Variants in ZC3H18 observed in about 807,000 individuals in gnomAD.
ZC3H18 encodes the protein zinc finger CCCH domain-containing protein 18.
In ZC3H18, 8 loss-of-function variants were observed where a neutral mutation model predicts 106.1. The observed-to-expected ratio is 0.08, with a 90% CI of 0.04 to 0.14. ZC3H18 has a LOEUF of 0.14. Ranked by LOEUF, ZC3H18 falls within the 10% of genes least tolerant of loss-of-function variation. The pLI is 1.00. For missense variants in ZC3H18, 1,318 were observed against 1,278.4 expected (o/e 1.03, Z -0.47); for synonymous variants, 635 against 522.1 (o/e 1.22, Z -2.95).
At chr16:88,628,925 A>T in intron 16 of ZC3H18, 71 bp downstream of exon 16, 2 of 1,506,904 alleles carry the variant, frequency 1.3e-6, no homozygotes, top group Admixed American at 1.7e-5. Flanking sequence ...GCTGGGTCTG[A>T]GACCCCATTG....
rs768571833 is a variant in ZC3H18, at chr16:88,598,668, C to G, written c.886C>G (p.Pro296Ala). 1.2e-6 allele frequency: 2 copies of G among 1,613,278 alleles called. No individual in the cohort carries two copies. Among genetic ancestry groups the G allele is most frequent in the South Asian group, 2.2e-5 (2 of 90,818 alleles). ...EILPPPPPEPPTESAWERGLR... is the reference protein window; with the variant it reads ...EILPPPPPEPATESAWERGLR... ...TTTGCCTCCACCCCCTCCAGAGCCC[C>G]CAACAGAGAGTGCCTGGGAACGAGG... The change falls in exon 5 of 18, where the codon CCA (proline) becomes GCA (alanine). Residue 296 changes from proline (P) to alanine (A), a missense_variant. Transcript: ENST00000301011.
intron 11 of ZC3H18, 177 bp from the exon 12 acceptor site, chr16:88,624,425 C>T (rs1356699525): frequency 1.2e-5 from 12 of 1,020,744 alleles, no homozygotes; most frequent in African/African-American, 4.8e-5. Flanking sequence ...GCTTTGAAGC[C>T]GTTCCCAAGC....
Position 88,631,430 on chromosome 16 carries a change from C to T in ZC3H18, c.*131C>T. 2 of 1,305,092 alleles carry T rather than the reference C, an allele frequency of 1.5e-6. No individual in the cohort carries two copies. Among genetic ancestry groups the T allele is most frequent in the South Asian group, 1.4e-5 (1 of 73,344 alleles). 80.8% of individuals were successfully genotyped at this position (1,305,092 alleles called of 1,614,324 possible). A position where few individuals can be genotyped will look rare whatever the true frequency, so the allele number is the denominator to read the frequency against. ...TAAAAAAGAAAAAAAAGTTTCTCAG[C>T]TGGAAAAGAAGCCACACAGGAAATG... On this transcript the variant is annotated 3_prime_UTR_variant, in exon 18 of 18. Coordinates refer to ENST00000301011, the MANE Select transcript of ZC3H18 (RefSeq NM_144604.4).
At chr16:88,607,028 G>T (rs1315859411) in intron 6 of ZC3H18, among the ~76,000 whole-genome samples, 1 of 152,188 alleles carries the variant, frequency 6.6e-6, no homozygotes. Flanking sequence ...CTGCTCCACA[G>T]GAAAGGAGAT....
chr16:88,576,604 A>C (rs1040258397), intron 1 of ZC3H18, among the ~76,000 whole-genome samples: 19 of 152,180 alleles, frequency 1.2e-4, no homozygotes, highest in Non-Finnish European at 5.9e-5. Flanking sequence ...GTTCAGTAAC[A>C]GAAAAGGCTC....
In ZC3H18 at chr16:88,628,806, A is replaced by G. The variant is rs376093096; in HGVS notation, c.2518A>G (p.Arg840Gly). The change falls in exon 16 of 18, where the codon AGG becomes GGG. Residue 840 changes from arginine to glycine, a missense_variant. Transcript: ENST00000301011. ...GCGCTATGAACCATCAGACAAGGAC[A>G]GGCAGAGCCCTCCTCCAGCCAAGCG... ...RKRYEPSDKDRQSPPPAKRPN... is the reference protein window; with the variant it reads ...RKRYEPSDKDGQSPPPAKRPN... 6.2e-7 allele frequency: 1 copy of G among 1,614,038 alleles called. No homozygotes were observed. Among genetic ancestry groups the G allele is most frequent in the Non-Finnish European group, 8.5e-7 (1 of 1,180,014 alleles).
rs1347850439 is a variant in ZC3H18, at chr16:88,624,018, C to A, written c.1854C>A (p.Ser618=). The A allele has an allele frequency of 1.9e-6, 3 of 1,614,094 alleles. No homozygotes were observed. The highest frequency in any genetic ancestry group is 2.5e-6 in the Non-Finnish European group (3 of 1,179,966). Residue 618 remains serine (S), a synonymous_variant, in exon 11 of 18, where the codon TCC becomes TCA. Transcript: ENST00000301011. The stretch of plus-strand genomic sequence containing the variant: ...CAACACCTTCCCCACATAGACCTTC[C>A]ATCAGAACCAAGGGAGAGCCGGCCC... ...PSPTPSPHRP[S]IRTKGEPAPP...
At chr16:88,614,980 C>T (rs1295642842) in intron 8 of ZC3H18, among the ~76,000 whole-genome samples, 2 of 151,682 alleles carry the variant, frequency 1.3e-5, no homozygotes, top group African/African-American at 4.8e-5. Context: ...CCTGTTCCCT[C>T]TGCCCAGATG....
chr16:88,619,614 T>G lies in ZC3H18; in HGVS notation c.1476-2583T>G, dbSNP rs959381902. ...TCTGGGGGGCAAGCACCAGCTGCCC[T>G]GAGATTGTGGAGGCCTGCACTGCCC... On this transcript the variant is annotated intron_variant, in intron 8 of 17. Transcript: ENST00000301011. 3.3e-5 allele frequency among the ~76,000 whole-genome samples: 5 copies of G among 152,320 alleles called. No homozygotes were observed. The East Asian group carries it at 7.7e-4, about 24-fold the overall frequency.
At chr16:88,590,297 T>C (rs1915668115) in intron 3 of ZC3H18, among the ~76,000 whole-genome samples, 1 of 152,176 alleles carries the variant, frequency 6.6e-6, no homozygotes, top group South Asian at 2.1e-4. Flanking sequence ...GATTAATCAT[T>C]TAATCGCTTA....
At chr16:88,570,777 C>T (rs1914346882) in intron 1 of ZC3H18, among the ~76,000 whole-genome samples, 2 of 152,100 alleles carry the variant, frequency 1.3e-5, no homozygotes, top group African/African-American at 4.8e-5. Context: ...TAAGCCGGCC[C>T]CGCGGTCCTG....
intron 6 of ZC3H18, chr16:88,608,674 T>G: frequency 4.2e-6 from 1 of 239,856 alleles, no homozygotes; most frequent in Non-Finnish European, 8.2e-6. Context: ...TCACTTCCTA[T>G]TTTCTTGAGT....
chr16:88,582,320 G>A (rs996275070), intron 2 of ZC3H18, among the ~76,000 whole-genome samples: 8 of 136,618 alleles, frequency 5.9e-5, no homozygotes, highest in Admixed American at 8.5e-5. Context: ...TGCCTCCCGG[G>A]TTCAAGCGAT....
At chr16:88,625,119 C>G in intron 12 of ZC3H18, 83 bp from the exon 13 acceptor site, 1 of 1,499,068 alleles carries the variant, frequency 6.7e-7, no homozygotes, top group Non-Finnish European at 9.1e-7. Flanking sequence ...AGGCTCACCT[C>G]ACAGGGCTGC....
rs750539095 is a variant in ZC3H18, at chr16:88,586,698, T to C, written c.688+14T>C. 1 of 1,612,370 alleles carries C rather than the reference T, an allele frequency of 6.2e-7. No individual in the cohort carries two copies. The highest frequency in any genetic ancestry group is 1.7e-5 in the Admixed American group (1 of 59,996). ...TCTTCATGAAAGGTAATTGTCTGCG[T>C]GTGAGGCCTTCTCGCAGCCAGCTGG... On this transcript the variant is annotated intron_variant, in intron 3 of 17. Transcript: ENST00000301011.
At chr16:88,604,351 CAAA>C (rs34989965) in intron 6 of ZC3H18, among the ~76,000 whole-genome samples, 49 of 133,672 alleles carry the variant, frequency 3.7e-4, no homozygotes, top group Admixed American at 5.2e-4. Context: ...ACTCTTTCTC[CAAA>C]AAAAAAAAAA....
chr16:88,588,365 G>A (rs1915557308), intron 3 of ZC3H18, among the ~76,000 whole-genome samples: 2 of 152,214 alleles, frequency 1.3e-5, no homozygotes. Context: ...TTGGCCTGAT[G>A]GTTCCAACTG....
chr16:88,586,466 G>C, intron 2 of ZC3H18, 134 bp from the exon 3 acceptor site: 1 of 758,698 alleles, frequency 1.3e-6, no homozygotes, highest in Non-Finnish European at 2.3e-6. Flanking sequence ...CTAAGATTTG[G>C]AAAATTGACG....
At chr16:88,572,406 T>C (rs1044948706) in intron 1 of ZC3H18, among the ~76,000 whole-genome samples, 5 of 149,878 alleles carry the variant, frequency 3.3e-5, no homozygotes, top group South Asian at 2.1e-4. Flanking sequence ...TGGGCACTTA[T>C]TTTAAATTCC....
Sources: allele counts gnomAD v4.1 joint callset (sites outside exome capture counted in the v4.1 genomes callset), GRCh38; gene constraint gnomAD v4.1.1; transcripts MANE v1.5; gene names NCBI Gene and HGNC (gene_info 2026-07-23, HGNC 2026-07-21).